Variants in PTPN13 observed in about 807,000 individuals in gnomAD.
The protein encoded by PTPN13 is tyrosine-protein phosphatase non-receptor type 13.
Under a neutral mutation model 284.0 loss-of-function variants are expected in PTPN13, and 191 were observed. That is an observed-to-expected ratio of 0.67 (90% CI 0.60 to 0.76). The LOEUF is 0.76. Ranked by LOEUF, PTPN13 falls within the 30% of genes least tolerant of loss-of-function variation. The pLI, the probability that PTPN13 is intolerant of heterozygous loss-of-function variation, is 0.00. For missense variants in PTPN13, 2,797 were observed against 2,939.9 expected, an observed-to-expected ratio of 0.95 and a Z score of 1.12; for synonymous variants, 986 against 1,022.3, an observed-to-expected ratio of 0.96 and a Z score of 0.68.
chr4:86,711,995 A>C (rs1442668437), intron 7 of PTPN13, among the ~76,000 whole-genome samples: 2 of 152,162 alleles, frequency 1.3e-5, no homozygotes, highest in Admixed American at 6.6e-5. Flanking sequence ...AAATAGTCTG[A>C]TACATTCTAG....
intron 9 of PTPN13, among the ~76,000 whole-genome samples, chr4:86,719,001 C>T (rs780838198): frequency 6.6e-6 from 1 of 151,970 alleles, no homozygotes; most frequent in Non-Finnish European, 1.5e-5. Flanking sequence ...CATTTATTTT[C>T]GGTTTGGGGG....
intron 28 of PTPN13, 73 bp downstream of exon 28, chr4:86,768,049 T>G (rs2149264639): frequency 3.6e-6 from 5 of 1,381,832 alleles, no homozygotes; most frequent in Admixed American, 2.4e-5. Context: ...TTTTACATGT[T>G]GGATTACAGT....
intron 1 of PTPN13, among the ~76,000 whole-genome samples, chr4:86,611,133 C>T (rs1421987550): frequency 6.6e-6 from 1 of 152,104 alleles, no homozygotes; most frequent in Admixed American, 6.6e-5. Flanking sequence ...CTGCTTCTCC[C>T]ACGATTATTA....
intron 1 of PTPN13, among the ~76,000 whole-genome samples, chr4:86,618,789 CTT>C (rs1251346361): frequency 2.0e-5 from 3 of 152,156 alleles, no homozygotes; most frequent in East Asian, 1.9e-4. Flanking sequence ...TATCCTGAGA[CTT>C]TGCTGAAGTT....
rs2149215075 is a variant in PTPN13 at position 86,753,044 on chromosome 4, C to A, written c.3202C>A (p.Gln1068Lys). The A allele has an allele frequency of 1.9e-6, 3 of 1,607,776 alleles. No individual in the cohort carries two copies. Among genetic ancestry groups the A allele is most frequent in the Non-Finnish European group, 8.5e-7 (1 of 1,175,504 alleles). Residue 1068 changes from glutamine (Q) to lysine (K), a missense_variant, in exon 20 of 48, where the codon CAA becomes AAA. Gln to Lys is a moderately conservative substitution (Grantham distance 53). Coordinates refer to ENST00000411767, the MANE Select transcript of PTPN13 (RefSeq NM_080683.3). The stretch of plus-strand genomic sequence containing the variant: ...GCATAGTTCTGGAAACTCTTCATCC[C>A]AAGTACCCTTAAAAGAAAATGGTAG... Reference protein sequence around the residue: ...TMHSSGNSSSQVPLKENDVLH... With the variant: ...TMHSSGNSSSKVPLKENDVLH...
chr4:86,693,745 T>C, intron 6 of PTPN13, 71 bp downstream of exon 6: 2 of 1,117,962 alleles, frequency 1.8e-6, no homozygotes, highest in Non-Finnish European at 2.5e-6. Flanking sequence ...AAATTATACT[T>C]ACCTGGCTTT....
Position 86,717,225 on chromosome 4 carries a change from GT to G in PTPN13, c.1385+110del, listed in dbSNP as rs1237845925. 4.1e-4 allele frequency: 291 copies of G among 716,742 alleles called. 5 individuals carry two copies. The South Asian group carries it at 5.7e-3, about 14-fold the overall frequency. 44.4% of individuals were successfully genotyped at this position (716,742 alleles called of 1,614,324 possible). A position where few individuals can be genotyped will look rare whatever the true frequency, so the allele number is the denominator to read the frequency against. ...TTTTTTTGAGACGGAGTCTTGCTCTGTTGCCTAAGCTGGAGTGCAGTGGCGC... is the reference window on the plus strand; with the variant it reads ...TTTTTTTGAGACGGAGTCTTGCTCTGTGCCTAAGCTGGAGTGCAGTGGCGC... On this transcript the variant is annotated intron_variant, in intron 9 of 47. Coordinates refer to ENST00000411767, the MANE Select transcript of PTPN13 (RefSeq NM_080683.3).
Position 86,812,305 on chromosome 4 carries a change from G to A in PTPN13, c.7362+1197G>A, listed in dbSNP as rs1345226399. ...AGCCTGGGCGACAGAGCGAGACTCCGTCTCAAAAAAAAAAAAAAAAAAAAA... is the reference window on the plus strand; with the variant it reads ...AGCCTGGGCGACAGAGCGAGACTCCATCTCAAAAAAAAAAAAAAAAAAAAA... On this transcript the variant is annotated intron_variant, in intron 47 of 47. Coordinates refer to ENST00000411767, the MANE Select transcript of PTPN13 (RefSeq NM_080683.3). Among the ~76,000 whole-genome samples, 17 of 95,986 alleles carry A rather than the reference G, an allele frequency of 1.8e-4. No individual in the cohort carries two copies. In the East Asian group the frequency reaches 2.0e-3, roughly 11 times the overall value. The allele number at this position is 95,986 out of a possible 152,430, so 63.0% of individuals were successfully genotyped here.
At chr4:86,629,461 A>G (rs1270192572) in intron 1 of PTPN13, among the ~76,000 whole-genome samples, 2 of 151,856 alleles carry the variant, frequency 1.3e-5, no homozygotes, top group African/African-American at 4.8e-5. Context: ...GGTGCTGGAG[A>G]GGATGTGGAG....
At chr4:86,629,131 A>C (rs1722177291) in intron 1 of PTPN13, among the ~76,000 whole-genome samples, 1 of 150,420 alleles carries the variant, frequency 6.6e-6, no homozygotes, top group Admixed American at 6.7e-5. Flanking sequence ...TCTGCACAGC[A>C]AAAGAAACTA....
chr4:86,667,474 C>T (rs759577408), intron 2 of PTPN13, among the ~76,000 whole-genome samples: 48 of 152,126 alleles, frequency 3.2e-4, no homozygotes, highest in Admixed American at 8.5e-4. Context: ...CAACTTCTAG[C>T]ATATACTACA....
chr4:86,657,583 C>G (rs1158401623), intron 2 of PTPN13, among the ~76,000 whole-genome samples: 1 of 151,982 alleles, frequency 6.6e-6, no homozygotes, highest in African/African-American at 2.4e-5. Context: ...AGAGTCTCAC[C>G]TGAAGGCTTG....
chr4:86,622,862 T>G (rs1324157708), intron 1 of PTPN13, among the ~76,000 whole-genome samples: 1 of 152,202 alleles, frequency 6.6e-6, no homozygotes, highest in East Asian at 1.9e-4. Context: ...GCATCTTCAC[T>G]TGAATGTCTA....
At position 86,750,787 on chromosome 4, in the gene PTPN13, G is replaced by A. The variant is rs755907526; in HGVS notation, c.2968G>A (p.Glu990Lys). Residue 990 changes from glutamate to lysine, a missense_variant, in exon 18 of 48, where the codon GAA becomes AAA. Coordinates refer to ENST00000411767, the MANE Select transcript of PTPN13 (RefSeq NM_080683.3). ...TCGGAAAAATGTCATTGTTAACATGGAACCCCCACCACAAACCGTTGCAGA... is the reference window on the plus strand; with the variant it reads ...TCGGAAAAATGTCATTGTTAACATGAAACCCCCACCACAAACCGTTGCAGA... The part of the protein sequence containing the change: ...PHRKNVIVNM[E>K]PPPQTVAELV... 33 of 1,613,532 alleles carry A rather than the reference G, an allele frequency of 2.0e-5. No homozygotes were observed. Among genetic ancestry groups the A allele is most frequent in the Non-Finnish European group, 2.8e-5 (33 of 1,179,704 alleles).
chr4:86,645,113 T>G (rs556738210), intron 2 of PTPN13, among the ~76,000 whole-genome samples: 183 of 152,104 alleles, frequency 1.2e-3, no homozygotes, highest in Non-Finnish European at 2.2e-3. Flanking sequence ...AGAGGATGAC[T>G]TGAGCCCAGG....
At chr4:86,675,512 T>C (rs1728176535) in intron 3 of PTPN13, among the ~76,000 whole-genome samples, 1 of 152,182 alleles carries the variant, frequency 6.6e-6, no homozygotes, top group Non-Finnish European at 1.5e-5. Flanking sequence ...GTTGATGACA[T>C]ATAAATTTTT....
At chr4:86,788,524 G>T (rs1213810113) in intron 40 of PTPN13, among the ~76,000 whole-genome samples, 1 of 152,166 alleles carries the variant, frequency 6.6e-6, no homozygotes, top group Non-Finnish European at 1.5e-5. Flanking sequence ...TCTTACAGAA[G>T]AAAGATTATA....
chr4:86,630,508 T>C (rs576475521), intron 1 of PTPN13, among the ~76,000 whole-genome samples: 1 of 152,184 alleles, frequency 6.6e-6, no homozygotes, highest in Non-Finnish European at 1.5e-5. Context: ...TAAAAAATAC[T>C]AATATATGGG....
intron 2 of PTPN13, among the ~76,000 whole-genome samples, chr4:86,659,141 ATAATT>A (rs1578358187): frequency 6.6e-6 from 1 of 152,294 alleles, no homozygotes; most frequent in African/African-American, 2.4e-5. Context: ...AACATCATAT[ATAATT>A]TAATGTTCTC....
Sources: gnomAD v4.1 joint callset for allele counts (sites outside exome capture counted in the v4.1 genomes callset) on GRCh38, gnomAD v4.1.1 for gene constraint, MANE v1.5 for transcripts, NCBI Gene and HGNC (gene_info 2026-07-23, HGNC 2026-07-21) for gene names.